Variants in IKZF2 observed in about 807,000 individuals in gnomAD.
The protein encoded by IKZF2 is IKAROS family zinc finger 2, also known as zinc finger protein Helios.
Under a neutral mutation model 49.2 loss-of-function variants are expected in IKZF2, and 15 were observed. The observed-to-expected ratio is 0.30, with a 90% CI of 0.20 to 0.47. IKZF2 has a LOEUF of 0.47. Ranked by LOEUF, IKZF2 falls within the 20% of genes least tolerant of loss-of-function variation. The pLI is 1.00. For missense variants in IKZF2, 567 were observed against 664.6 expected, an observed-to-expected ratio of 0.85 and a Z score of 1.61; for synonymous variants, 227 against 221.4, an observed-to-expected ratio of 1.03 and a Z score of -0.23.
chr2:213,058,049 A>T (rs4672669), intron 4 of IKZF2, among the ~76,000 whole-genome samples: 89,622 of 151,956 alleles, frequency 0.59, 27,374 homozygotes, highest in East Asian at 0.79. Context: ...AGTCATATCA[A>T]AGTTACTAAG....
At chr2:213,047,329 G>A (rs1421229309) in intron 6 of IKZF2, among the ~76,000 whole-genome samples, 1 of 152,064 alleles carries the variant, frequency 6.6e-6, no homozygotes, top group Non-Finnish European at 1.5e-5. Context: ...TGGTGAAATG[G>A]CCTACCAAAG....
chr2:213,011,929 A>G (rs1696005465), intron 8 of IKZF2, among the ~76,000 whole-genome samples: 1 of 152,080 alleles, frequency 6.6e-6, no homozygotes, highest in Non-Finnish European at 1.5e-5. Flanking sequence ...AAAGGCAAGA[A>G]TATTGGCAAG....
chr2:213,003,552 A>G lies in IKZF2; in HGVS notation c.*3808T>C, dbSNP rs1695077457. ...GACAGTTTAAGTTCTGCCTGAAACT[A>G]GGGGCACACAGTTTTTTGCTTGTAT... is the stretch of plus-strand genomic sequence containing the variant. On this transcript the variant is annotated 3_prime_UTR_variant, in exon 9 of 9. Transcript: ENST00000434687. The G allele has an allele frequency of 6.6e-6, 1 of 151,724 alleles. No individual in the cohort carries two copies. The highest frequency in any genetic ancestry group is 2.4e-5 in the African/African-American group (1 of 41,408). The allele number at this position is 151,724 out of a possible 1,614,324, so 9.4% of individuals were successfully genotyped here. A position where few individuals can be genotyped will look rare whatever the true frequency, so the allele number is the denominator to read the frequency against.
chr2:213,084,102 C>A (rs1326363195), intron 4 of IKZF2, among the ~76,000 whole-genome samples: 1 of 152,032 alleles, frequency 6.6e-6, no homozygotes, highest in Non-Finnish European at 1.5e-5. Flanking sequence ...ACACTTGTCA[C>A]CTGCCAATTA....
chr2:213,002,793 T>C lies in IKZF2; in HGVS notation c.*4567A>G, dbSNP rs1162148948. The C allele has an allele frequency of 6.6e-6, 1 of 151,962 alleles. No homozygotes were observed. The highest frequency in any genetic ancestry group is 1.5e-5 in the Non-Finnish European group (1 of 67,564). 9.4% of individuals were successfully genotyped at this position (151,962 alleles called of 1,614,324 possible). A position where few individuals can be genotyped will look rare whatever the true frequency, so the allele number is the denominator to read the frequency against. ...GATTCCAAGACTAGAACAATACTAG[T>C]CTGGAGATGAAAATCCAAATGAATA... On this transcript the variant is annotated 3_prime_UTR_variant, in exon 9 of 9. Coordinates refer to ENST00000434687, the MANE Select transcript of IKZF2 (RefSeq NM_001387220.1).
intron 7 of IKZF2, 98 bp downstream of exon 7, chr2:213,021,895 G>T: frequency 7.8e-7 from 1 of 1,278,754 alleles, no homozygotes; most frequent in Non-Finnish European, 1.1e-6. Context: ...AAGTTAAAGT[G>T]ATCTAAAATA....
At position 213,086,624 on chromosome 2, in the gene IKZF2, C is replaced by T. The variant is rs1204486423; in HGVS notation, c.140-29525G>A. Among the ~76,000 whole-genome samples, 3 of 152,150 alleles carry T rather than the reference C, an allele frequency of 2.0e-5. No individual in the cohort carries two copies. The East Asian group carries it at 5.8e-4, about 29-fold the overall frequency. On this transcript the variant is annotated intron_variant, in intron 4 of 8. Transcript: ENST00000434687. ...ATGTCCAGAGATTGCTAGGCTTCCTCAGCAACGACTACAGGGACTAGGAAC... is the reference window on the plus strand; with the variant it reads ...ATGTCCAGAGATTGCTAGGCTTCCTTAGCAACGACTACAGGGACTAGGAAC...
At chr2:213,113,400 T>G (rs1370776417) in intron 4 of IKZF2, among the ~76,000 whole-genome samples, 1 of 152,184 alleles carries the variant, frequency 6.6e-6, no homozygotes, top group African/African-American at 2.4e-5. Context: ...TATCTCTTCC[T>G]TAACTCAGTT....
intron 4 of IKZF2, among the ~76,000 whole-genome samples, chr2:213,067,123 C>T (rs1010677004): frequency 6.6e-6 from 1 of 152,102 alleles, no homozygotes; most frequent in African/African-American, 2.4e-5. Flanking sequence ...TCAATTTTCT[C>T]ATCTATAAAA....
chr2:213,140,716 G>T (rs2125945593), intron 4 of IKZF2, among the ~76,000 whole-genome samples: 1 of 151,976 alleles, frequency 6.6e-6, no homozygotes, highest in South Asian at 2.1e-4. Flanking sequence ...TCTGAGACCA[G>T]TATAAAGGAT....
intron 4 of IKZF2, among the ~76,000 whole-genome samples, chr2:213,104,578 G>A (rs927914649): frequency 2.0e-5 from 3 of 152,170 alleles, no homozygotes; most frequent in African/African-American, 4.8e-5. Flanking sequence ...GGAAGAGAAT[G>A]GGAAGGAGGT....
rs1420749336 is a variant in IKZF2, at chr2:213,000,693, T to G, written c.*6667A>C. On this transcript the variant is annotated 3_prime_UTR_variant, in exon 9 of 9. Coordinates refer to ENST00000434687, the MANE Select transcript of IKZF2 (RefSeq NM_001387220.1). Reference sequence around the variant, plus strand: ...TGCTCCAAATATTTTTAAAAAAAATTTCTCCAATAGGTGATATGTAAGTGT... The same window carrying G: ...TGCTCCAAATATTTTTAAAAAAAATGTCTCCAATAGGTGATATGTAAGTGT... The G allele has an allele frequency of 6.6e-6, 1 of 151,940 alleles. No homozygotes were observed. The highest frequency in any genetic ancestry group is 1.5e-5 in the Non-Finnish European group (1 of 67,632). The allele number at this position is 151,940 out of a possible 1,614,324, so 9.4% of individuals were successfully genotyped here.
At chr2:213,150,698 GA>G (rs2061253641) in intron 1 of IKZF2, among the ~76,000 whole-genome samples, 1 of 83,366 alleles carries the variant, frequency 1.2e-5, no homozygotes, top group African/African-American at 6.1e-5. Context: ...AAAACTGAAA[GA>G]AAAGGGGGGG....
intron 4 of IKZF2, among the ~76,000 whole-genome samples, chr2:213,077,532 T>G (rs768183413): frequency 7.9e-6 from 1 of 126,926 alleles, no homozygotes; most frequent in Non-Finnish European, 1.6e-5. Context: ...GTTTTTTAAA[T>G]TTTTTTAATT....
chr2:213,123,405 G>C (rs1218118093), intron 4 of IKZF2, among the ~76,000 whole-genome samples: 1 of 152,114 alleles, frequency 6.6e-6, no homozygotes, highest in Non-Finnish European at 1.5e-5. Flanking sequence ...ATGGATTTCT[G>C]TTTCCAAAAT....
At chr2:213,028,832 G>A (rs1183544519) in intron 6 of IKZF2, among the ~76,000 whole-genome samples, 1 of 152,028 alleles carries the variant, frequency 6.6e-6, no homozygotes, top group African/African-American at 2.4e-5. Context: ...ATCATGATGA[G>A]GAAGTTCTTT....
intron 4 of IKZF2, among the ~76,000 whole-genome samples, chr2:213,074,168 T>A (rs1028827544): frequency 2.6e-5 from 4 of 152,144 alleles, no homozygotes; most frequent in African/African-American, 9.7e-5. Context: ...TAAAACTAAG[T>A]CAAGGAAAAT....
In IKZF2 at chr2:213,002,530, A is replaced by C. The variant is rs1384194094; in HGVS notation, c.*4830T>G. 6.6e-6 allele frequency: 1 copy of C among 151,740 alleles called. No individual in the cohort carries two copies. The highest frequency in any genetic ancestry group is 2.4e-5 in the African/African-American group (1 of 41,414). 9.4% of individuals were successfully genotyped at this position (151,740 alleles called of 1,614,324 possible). A position where few individuals can be genotyped will look rare whatever the true frequency, so the allele number is the denominator to read the frequency against. Reference sequence around the variant, plus strand: ...ACTAGCATATCACAGCTTCTTGGTCATATGCCATTTGCTTTGTATAACCAG... The same window carrying C: ...ACTAGCATATCACAGCTTCTTGGTCCTATGCCATTTGCTTTGTATAACCAG... On this transcript the variant is annotated 3_prime_UTR_variant, in exon 9 of 9. Coordinates refer to ENST00000434687, the MANE Select transcript of IKZF2 (RefSeq NM_001387220.1).
chr2:213,086,222 C>T (rs1400769431), intron 4 of IKZF2, among the ~76,000 whole-genome samples: 1 of 152,142 alleles, frequency 6.6e-6, no homozygotes, highest in Non-Finnish European at 1.5e-5. Context: ...TCAAATATAA[C>T]TCCATGTGAG....
Sources: gnomAD v4.1 joint callset for allele counts (sites outside exome capture counted in the v4.1 genomes callset) on GRCh38, gnomAD v4.1.1 for gene constraint, MANE v1.5 for transcripts, NCBI Gene and HGNC (gene_info 2026-07-23, HGNC 2026-07-21) for gene names.